Variants in FAM171B observed in about 807,000 individuals in gnomAD.
FAM171B encodes protein FAM171B.
In FAM171B, 19 loss-of-function variants were observed where a neutral mutation model predicts 75.6. That is an observed-to-expected ratio of 0.25 (90% CI 0.18 to 0.37). The LOEUF (loss-of-function observed/expected upper bound fraction) is 0.37, where lower values mean the gene tolerates loss of function less well. Among genes scored for constraint, FAM171B ranks in the 10% least tolerant of loss-of-function variants. The pLI, the probability that FAM171B is intolerant of heterozygous loss-of-function variation, is 1.00. For missense variants in FAM171B, 848 were observed against 982.4 expected (o/e 0.86, Z 1.83); for synonymous variants, 367 against 361.7 (o/e 1.01, Z -0.17).
rs764737258 is a variant in FAM171B at position 186,761,980 on chromosome 2, C to A, written c.1638C>A (p.Asp546Glu). Residue 546 changes from aspartate to glutamate, a missense_variant, in exon 8 of 8, where the codon GAC (aspartate) becomes GAA (glutamate). Asp to Glu is a conservative substitution (Grantham distance 45). This residue lies in a region of FAM171B where 665 missense variants were observed against 729.0 expected (regional missense o/e 0.91). Transcript: ENST00000304698. ...CCATTGCCATCCTTCAAACATCTGACCTTTTCTCCACACCGGAACAATTAC... is the reference window on the plus strand; with the variant it reads ...CCATTGCCATCCTTCAAACATCTGAACTTTTCTCCACACCGGAACAATTAC... ...SQPIAILQTSDLFSTPEQLHT... is the reference protein window; with the variant it reads ...SQPIAILQTSELFSTPEQLHT... The A allele has an allele frequency of 5.6e-6, 9 of 1,613,500 alleles. No homozygotes were observed. Among genetic ancestry groups the A allele is most frequent in the South Asian group, 4.4e-5 (4 of 91,074 alleles).
At chr2:186,713,038 TA>T (rs1333399919) in intron 1 of FAM171B, among the ~76,000 whole-genome samples, 2 of 152,216 alleles carry the variant, frequency 1.3e-5, no homozygotes, top group Admixed American at 6.5e-5. Flanking sequence ...TTTTGGTACT[TA>T]AAAAAACTGG....
At chr2:186,752,729 T>C (rs1320810644) in intron 5 of FAM171B, among the ~76,000 whole-genome samples, 1 of 152,214 alleles carries the variant, frequency 6.6e-6, no homozygotes, top group Non-Finnish European at 1.5e-5. Context: ...TTAAAAGCAA[T>C]AGATTAAATT....
At chr2:186,701,312 A>G (rs1217536027) in intron 1 of FAM171B, among the ~76,000 whole-genome samples, 3 of 152,210 alleles carry the variant, frequency 2.0e-5, no homozygotes. Context: ...TAGTCAAACA[A>G]ATTAACATAT....
chr2:186,746,639 C>T lies in FAM171B; in HGVS notation c.566-453C>T, dbSNP rs73979356. 4.1e-3 allele frequency among the ~76,000 whole-genome samples: 619 copies of T among 152,324 alleles called. 3 individuals carry two copies. Among genetic ancestry groups the T allele is most frequent in the African/African-American group, 0.014 (592 of 41,566 alleles). On this transcript the variant is annotated intron_variant, in intron 3 of 7. Coordinates refer to ENST00000304698, the MANE Select transcript of FAM171B (RefSeq NM_177454.4). The stretch of plus-strand genomic sequence containing the variant: ...CAACTCCTGGATGTATACCTGCTCA[C>T]ATTAAATCCAGTCCAAGCAAAACAC...
intron 1 of FAM171B, among the ~76,000 whole-genome samples, chr2:186,730,689 AAAAAT>A (rs1444126841): frequency 3.3e-5 from 5 of 152,234 alleles, no homozygotes; most frequent in Non-Finnish European, 7.3e-5. Flanking sequence ...TGCATGTGAA[AAAAAT>A]AAAATCATCC....
chr2:186,764,704 GT>G lies in FAM171B; in HGVS notation c.*1885del, dbSNP rs982930917. On this transcript the variant is annotated 3_prime_UTR_variant, in exon 8 of 8. Coordinates refer to ENST00000304698, the MANE Select transcript of FAM171B (RefSeq NM_177454.4). ...GTTAACCAAATTAAACAGATGTGCAGTTTTATTAAAAATATAGACCTAGTGT... is the reference window on the plus strand; with the variant it reads ...GTTAACCAAATTAAACAGATGTGCAGTTTATTAAAAATATAGACCTAGTGT... 1.1e-4 allele frequency: 16 copies of G among 151,726 alleles called. No homozygotes were observed. The highest frequency in any genetic ancestry group is 9.2e-4 in the Admixed American group (14 of 15,218). The allele number at this position is 151,726 out of a possible 1,614,324, so 9.4% of individuals were successfully genotyped here. A position where few individuals can be genotyped will look rare whatever the true frequency, so the allele number is the denominator to read the frequency against.
At chr2:186,754,905 C>A (rs146657039) in intron 6 of FAM171B, among the ~76,000 whole-genome samples, 4 of 152,130 alleles carry the variant, frequency 2.6e-5, no homozygotes, top group Admixed American at 2.0e-4. Flanking sequence ...AGATTGGACA[C>A]CCCTGTACTA....
At chr2:186,753,400 C>T (rs1398822615) in intron 5 of FAM171B, among the ~76,000 whole-genome samples, 1 of 152,148 alleles carries the variant, frequency 6.6e-6, no homozygotes, top group Non-Finnish European at 1.5e-5. Flanking sequence ...ATGCCAAAAA[C>T]ATGTATTAAT....
At chr2:186,760,195 C>T (rs974814334) in intron 6 of FAM171B, among the ~76,000 whole-genome samples, 2 of 152,020 alleles carry the variant, frequency 1.3e-5, no homozygotes, top group Non-Finnish European at 2.9e-5. Context: ...TCATCCTAGT[C>T]AGCTTTTACT....
At chr2:186,694,471 G>C in intron 1 of FAM171B, 60 bp downstream of exon 1, 1 of 1,543,660 alleles carries the variant, frequency 6.5e-7, no homozygotes, top group East Asian at 2.3e-5. Context: ...TTAGGGCCTC[G>C]CCGGCTTCCT....
chr2:186,742,095 C>T (rs1690297531), intron 2 of FAM171B, among the ~76,000 whole-genome samples: 1 of 152,054 alleles, frequency 6.6e-6, no homozygotes, highest in Non-Finnish European at 1.5e-5. Flanking sequence ...TTTAAAAAAT[C>T]ACAGGAATAC....
At chr2:186,702,731 A>G (rs953396022) in intron 1 of FAM171B, among the ~76,000 whole-genome samples, 1 of 152,250 alleles carries the variant, frequency 6.6e-6, no homozygotes, top group Non-Finnish European at 1.5e-5. Flanking sequence ...TGTGTCAAAT[A>G]TGCCTCAGGG....
At chr2:186,697,409 T>C (rs147253789) in intron 1 of FAM171B, among the ~76,000 whole-genome samples, 1 of 152,036 alleles carries the variant, frequency 6.6e-6, no homozygotes, top group Non-Finnish European at 1.5e-5. Flanking sequence ...CCCAGCTAAT[T>C]TTTAATTTTT....
chr2:186,712,080 G>A (rs990863551), intron 1 of FAM171B, among the ~76,000 whole-genome samples: 3 of 152,126 alleles, frequency 2.0e-5, no homozygotes, highest in Non-Finnish European at 4.4e-5. Flanking sequence ...CTCTATAAAA[G>A]CATGTTGGTT....
At chr2:186,729,337 T>TA (rs144183925) in intron 1 of FAM171B, among the ~76,000 whole-genome samples, 24,914 of 151,862 alleles carry the variant, frequency 0.16, 2,182 homozygotes, top group Middle Eastern at 0.25. Context: ...CATTGAAAGC[T>TA]AAAAAAATAC....
In FAM171B at chr2:186,762,614, C is replaced by A. The variant is rs185643778; in HGVS notation, c.2272C>A (p.Pro758Thr). ...SGTTVCSPEDPALRHILDGGS... is the reference protein window; with the variant it reads ...SGTTVCSPEDTALRHILDGGS... ...AACCACCGTCTGTTCCCCTGAGGAC[C>A]CAGCTTTAAGGCACATCCTAGATGG... is the stretch of plus-strand genomic sequence containing the variant. Residue 758 changes from proline to threonine, a missense_variant, in exon 8 of 8, where the codon CCA becomes ACA. Around this residue, in one of 3 missense-constraint regions of FAM171B, gnomAD observed 136 missense variants for 159.3 expected, o/e 0.85. Transcript: ENST00000304698. This position sits in a 1 kb window ranked among gnomAD's most constrained non-coding sequence, Gnocchi z 4.0. 12 of 1,613,266 alleles carry A rather than the reference C, an allele frequency of 7.4e-6. No homozygotes were observed. Among genetic ancestry groups the A allele is most frequent in the Non-Finnish European group, 1.0e-5 (12 of 1,179,628 alleles).
chr2:186,760,608 A>G (rs923704619), intron 6 of FAM171B, among the ~76,000 whole-genome samples: 15 of 151,120 alleles, frequency 9.9e-5, no homozygotes, highest in African/African-American at 3.7e-4. Flanking sequence ...AGCCAATGTC[A>G]TATGTTTTAA....
chr2:186,700,477 A>G lies in FAM171B; in HGVS notation c.238+6066A>G, dbSNP rs1011648675. Among the ~76,000 whole-genome samples the G allele has an allele frequency of 8.5e-5, 13 of 152,158 alleles. 1 individual carries two copies. Among genetic ancestry groups the G allele is most frequent in the African/African-American group, 2.4e-5 (1 of 41,458 alleles). On this transcript the variant is annotated intron_variant, in intron 1 of 7. Coordinates refer to ENST00000304698, the MANE Select transcript of FAM171B (RefSeq NM_177454.4). Reference sequence around the variant, plus strand: ...TCATCATAGATTAATTTTGCATTTTATAGAACTTCACAAAATGGAATCCAT... The same window carrying G: ...TCATCATAGATTAATTTTGCATTTTGTAGAACTTCACAAAATGGAATCCAT...
At chr2:186,754,879 GC>G (rs1370453026) in intron 6 of FAM171B, among the ~76,000 whole-genome samples, 2 of 151,882 alleles carry the variant, frequency 1.3e-5, no homozygotes, top group Non-Finnish European at 2.9e-5. Flanking sequence ...TTTATGTGTG[GC>G]CCAAGGCAGC....
Sources: gnomAD v4.1 joint callset for allele counts (sites outside exome capture counted in the v4.1 genomes callset) on GRCh38, gnomAD v4.1.1 for gene constraint, gnomAD v4.1.1 regional missense constraint, Gnocchi (gnomAD v3.1) non-coding constraint, MANE v1.5 for transcripts, NCBI Gene and HGNC (gene_info 2026-07-23, HGNC 2026-07-21) for gene names.